Variants in TENM3 observed in about 807,000 individuals in gnomAD.
TENM3 encodes the protein teneurin transmembrane protein 3.
Under a neutral mutation model 255.1 loss-of-function variants are expected in TENM3, and 63 were observed. The ratio of observed to expected loss-of-function variants is 0.25; its 90% CI spans 0.20 to 0.30. The LOEUF is 0.30. Among genes scored for constraint, TENM3 ranks in the 10% least tolerant of loss-of-function variants. The pLI, the probability that TENM3 is intolerant of heterozygous loss-of-function variation, is 1.00. For synonymous variants in TENM3, 1,306 were observed against 1,322.3 expected (o/e 0.99, Z 0.27); for missense variants, 2,929 against 3,461.1 (o/e 0.85, Z 3.86).
chr4:181,577,143 T>A, the TENM3 span, among the ~76,000 whole-genome samples: 803 of 135,066 alleles, frequency 5.9e-3, 11 homozygotes, highest in African/African-American at 0.022. Context: ...ATATAATATA[T>A]AATTAATATA....
chr4:182,325,919 C>T (rs1205488908), intron 2 of TENM3, among the ~76,000 whole-genome samples: 1 of 152,144 alleles, frequency 6.6e-6, no homozygotes, highest in South Asian at 2.1e-4. Context: ...TTAAAAATAG[C>T]GCACTGAACT....
chr4:181,616,672 A>G, the TENM3 span, among the ~76,000 whole-genome samples: 11 of 152,276 alleles, frequency 7.2e-5, no homozygotes, highest in Admixed American at 2.6e-4. Flanking sequence ...CAAAGGCCAA[A>G]GGCCTGAGAA....
chr4:182,379,289 G>A (rs1045726135), intron 3 of TENM3, among the ~76,000 whole-genome samples: 4 of 57,468 alleles, frequency 7.0e-5, no homozygotes, highest in Non-Finnish European at 3.7e-5. Context: ...CCCGGGGAGT[G>A]GAGGTTGCAG....
rs764470484 is a variant in TENM3, at chr4:182,789,157, A to G, written c.5369A>G (p.Asp1790Gly). ...ACAACAAAGACAGAAAAGATCTATG[A>G]CGACCACCGTAAATTTCTACTGAGG... is the stretch of plus-strand genomic sequence containing the variant. ...DRTTKTEKIY[D>G]DHRKFLLRIA... Residue 1790 changes from aspartate to glycine, a missense_variant, in exon 25 of 28, where the codon GAC becomes GGC. This residue lies in a region of TENM3 where 303 missense variants were observed against 425.2 expected (regional missense o/e 0.71). Coordinates refer to ENST00000511685, the MANE Select transcript of TENM3 (RefSeq NM_001080477.4). The surrounding 1 kb of genome is among the most constrained non-coding windows in gnomAD (Gnocchi z 4.4). 6.2e-7 allele frequency: 1 copy of G among 1,612,548 alleles called. No homozygotes were observed.
chr4:182,672,361 G>T lies in TENM3; in HGVS notation c.1112-644G>T, dbSNP rs192340804. Among the ~76,000 whole-genome samples, 92 of 152,228 alleles carry T rather than the reference G, an allele frequency of 6.0e-4. No homozygotes were observed. The South Asian group carries it at 8.9e-3, about 15-fold the overall frequency. ...AGACTACAAGTGAGTTTGAAATGAG[G>T]CTCAAAAGAAAGAGGAAAAGTTATA... On this transcript the variant is annotated intron_variant, in intron 6 of 27. Coordinates refer to ENST00000511685, the MANE Select transcript of TENM3 (RefSeq NM_001080477.4).
At chr4:182,397,838 G>A (rs890171722) in intron 3 of TENM3, among the ~76,000 whole-genome samples, 1 of 152,090 alleles carries the variant, frequency 6.6e-6, no homozygotes, top group Non-Finnish European at 1.5e-5. Flanking sequence ...CTGGTCTGGG[G>A]ACCATACTAT....
At chr4:181,784,245 A>G in the TENM3 span, among the ~76,000 whole-genome samples, 10 of 151,794 alleles carry the variant, frequency 6.6e-5, no homozygotes, top group East Asian at 1.7e-3. Flanking sequence ...TGTTTGTCGA[A>G]TTTTTGTTTT....
At chr4:182,190,266 G>A (rs898820582) in intron 1 of TENM3, 5 of 152,060 alleles carry the variant, frequency 3.3e-5, no homozygotes, top group African/African-American at 7.2e-5. Context: ...TGGCTCTGAC[G>A]GTACCTTCTT....
At chr4:181,812,268 A>C in the TENM3 span, among the ~76,000 whole-genome samples, 1 of 152,194 alleles carries the variant, frequency 6.6e-6, no homozygotes, top group African/African-American at 2.4e-5. Context: ...ACACTAACTA[A>C]ACTTTTTTCC....
chr4:182,157,527 A>G (rs1750795643), intron 1 of TENM3, among the ~76,000 whole-genome samples: 1 of 152,182 alleles, frequency 6.6e-6, no homozygotes, highest in Non-Finnish European at 1.5e-5. Flanking sequence ...CTCTACATCA[A>G]TGTCAAGTGT....
chr4:182,040,701 T>C, the TENM3 span, among the ~76,000 whole-genome samples: 1 of 152,218 alleles, frequency 6.6e-6, no homozygotes, highest in Non-Finnish European at 1.5e-5. Flanking sequence ...TCTCCCAGTT[T>C]CCATTTTTCT....
intron 3 of TENM3, among the ~76,000 whole-genome samples, chr4:182,468,678 G>A (rs1011992155): frequency 3.9e-5 from 6 of 152,054 alleles, no homozygotes; most frequent in African/African-American, 1.4e-4. Flanking sequence ...TGGTTCTGTT[G>A]ATTTGTTTAG....
the TENM3 span, among the ~76,000 whole-genome samples, chr4:181,465,794 C>T: frequency 1.4e-4 from 21 of 152,176 alleles, no homozygotes; most frequent in South Asian, 3.9e-3. Context: ...GAGCACCAGA[C>T]GGAGGAAAGT....
intron 3 of TENM3, among the ~76,000 whole-genome samples, chr4:182,491,018 C>G (rs1284910546): frequency 1.3e-5 from 2 of 152,286 alleles, no homozygotes; most frequent in South Asian, 2.1e-4. Context: ...TATTTCAGAA[C>G]ACTGTAGCAA....
chr4:181,914,416 A>G, the TENM3 span, among the ~76,000 whole-genome samples: 1 of 152,278 alleles, frequency 6.6e-6, no homozygotes, highest in Middle Eastern at 3.4e-3. Context: ...GCTTCCATAG[A>G]ACTTTTCAGG....
At chr4:182,021,559 C>T in the TENM3 span, among the ~76,000 whole-genome samples, 4 of 152,188 alleles carry the variant, frequency 2.6e-5, no homozygotes, top group African/African-American at 4.8e-5. Flanking sequence ...GAACATCATT[C>T]TTTACCATTA....
the TENM3 span, among the ~76,000 whole-genome samples, chr4:181,548,461 C>G: frequency 1.3e-5 from 2 of 152,268 alleles, no homozygotes; most frequent in South Asian, 4.1e-4. Context: ...CACATAAACA[C>G]CATGGAATAC....
chr4:181,494,388 G>A, the TENM3 span, among the ~76,000 whole-genome samples: 1 of 152,112 alleles, frequency 6.6e-6, no homozygotes, highest in Non-Finnish European at 1.5e-5. Context: ...GGGTTCAAGT[G>A]ATTCTCCTGC....
At chr4:182,215,551 C>T (rs981580187) in intron 1 of TENM3, among the ~76,000 whole-genome samples, 1 of 152,148 alleles carries the variant, frequency 6.6e-6, no homozygotes, top group Non-Finnish European at 1.5e-5. Flanking sequence ...AATCCTCTTA[C>T]GTTCATTTCA....
Sources: gnomAD v4.1 joint callset for allele counts (sites outside exome capture counted in the v4.1 genomes callset) on GRCh38, gnomAD v4.1.1 for gene constraint, gnomAD v4.1.1 regional missense constraint, Gnocchi (gnomAD v3.1) non-coding constraint, MANE v1.5 for transcripts, NCBI Gene and HGNC (gene_info 2026-07-23, HGNC 2026-07-21) for gene names.